The following TRAF2 variants were observed in gnomAD, a reference collection of about 807,000 sequenced individuals.
TRAF2 encodes TNF receptor-associated factor 2.
Under a neutral mutation model 55.6 loss-of-function variants are expected in TRAF2, and 6 were observed. That is an observed-to-expected ratio of 0.11 (90% CI 0.06 to 0.21). TRAF2 has a LOEUF of 0.21. TRAF2 is among the 10% of genes least tolerant of loss of function. TRAF2 has a pLI of 1.00. For synonymous variants in TRAF2, 329 were observed against 276.3 expected (o/e 1.19, Z -1.89); for missense variants, 561 against 684.5 (o/e 0.82, Z 2.01).
chr9:136,898,671 G>A, intron 1 of TRAF2, 42 bp from the exon 2 acceptor site: 1 of 1,604,700 alleles, frequency 6.2e-7, no homozygotes, highest in African/African-American at 1.3e-5. Flanking sequence ...CTCGAGGACT[G>A]TTCTGGAATT....
At position 136,898,099 on chromosome 9, in the gene TRAF2, C is replaced by G. The variant is rs570323297; in HGVS notation, c.-28-614C>G. Reference sequence around the variant, plus strand: ...GCCAGCTCCAGGTGTGCTACATTCCCGCTCTCGGGGCTGGAGGGGAACCCG... The same window carrying G: ...GCCAGCTCCAGGTGTGCTACATTCCGGCTCTCGGGGCTGGAGGGGAACCCG... On this transcript the variant is annotated intron_variant, in intron 1 of 10. Transcript: ENST00000247668. Among the ~76,000 whole-genome samples the G allele has an allele frequency of 2.6e-5, 4 of 151,860 alleles. No individual in the cohort carries two copies. In the South Asian group the frequency reaches 8.3e-4, roughly 32 times the overall value.
At chr9:136,924,871 T>A (rs1850484906) in intron 10 of TRAF2, among the ~76,000 whole-genome samples, 2 of 152,078 alleles carry the variant, frequency 1.3e-5, no homozygotes, top group South Asian at 4.1e-4. Context: ...CCTGAGTAGC[T>A]GGGACTACAG....
upstream of TRAF2, among the ~76,000 whole-genome samples, chr9:136,883,885 A>G (rs1364725693): frequency 6.7e-6 from 1 of 148,666 alleles, no homozygotes; most frequent in African/African-American, 2.5e-5. Context: ...GTAGTGGCGC[A>G]ATCTCGGCTC....
intron 7 of TRAF2, among the ~76,000 whole-genome samples, chr9:136,919,058 T>TTATTTATTTATTTATG (rs1850317735): frequency 1.3e-5 from 2 of 148,904 alleles, no homozygotes; most frequent in African/African-American, 4.9e-5. Flanking sequence ...ATTTATTTAT[T>TTATTTATTTATTTATG]TATTTATTTA....
chr9:136,889,968 G>A (rs1453573067), intron 1 of TRAF2, among the ~76,000 whole-genome samples: 38 of 136,844 alleles, frequency 2.8e-4, no homozygotes, highest in African/African-American at 1.1e-3. Flanking sequence ...CCGCACGCTC[G>A]TTCAGCCGGT....
At chr9:136,909,115 C>T (rs1216611366) in intron 5 of TRAF2, among the ~76,000 whole-genome samples, 2 of 151,156 alleles carry the variant, frequency 1.3e-5, no homozygotes, top group South Asian at 2.1e-4. Context: ...TTAGAAAAGT[C>T]TAAATGCATC....
chr9:136,896,612 A>G (rs1156986081), intron 1 of TRAF2, among the ~76,000 whole-genome samples: 1 of 151,560 alleles, frequency 6.6e-6, no homozygotes, highest in Non-Finnish European at 1.5e-5. Flanking sequence ...CAAACCGCTT[A>G]TAAGGTTGGG....
chr9:136,912,046 G>T (rs1471460494), intron 6 of TRAF2, among the ~76,000 whole-genome samples: 5 of 151,014 alleles, frequency 3.3e-5, no homozygotes, highest in Non-Finnish European at 7.4e-5. Context: ...GTACAGATGG[G>T]GTTTCACCGT....
chr9:136,924,156 C>T (rs751125250), intron 10 of TRAF2, among the ~76,000 whole-genome samples, 156 bp downstream of exon 10: 18 of 152,140 alleles, frequency 1.2e-4, no homozygotes, highest in African/African-American at 1.9e-4. Context: ...CTGTGTCACG[C>T]GGTGGAGAGC....
intron 6 of TRAF2, among the ~76,000 whole-genome samples, chr9:136,913,606 G>A (rs1278548625): frequency 1.3e-5 from 2 of 152,070 alleles, no homozygotes; most frequent in African/African-American, 4.8e-5. Flanking sequence ...TACATACTAT[G>A]TTCTGAGGTG....
intron 6 of TRAF2, among the ~76,000 whole-genome samples, chr9:136,913,295 A>ATTTTTTTTTTTTTTT (rs369765173): frequency 2.3e-5 from 2 of 87,068 alleles, no homozygotes; most frequent in African/African-American, 5.0e-5. Context: ...TTATAAAGGA[A>ATTTTTTTTTTTTTTT]TTTTTTTTTT....
chr9:136,885,873 G>A (rs1458417371), upstream of TRAF2, among the ~76,000 whole-genome samples: 1 of 152,234 alleles, frequency 6.6e-6, no homozygotes, highest in African/African-American at 2.4e-5. Context: ...ACCCCAAAAG[G>A]AGACCCCATA....
intron 6 of TRAF2, among the ~76,000 whole-genome samples, chr9:136,915,608 A>G (rs996696824): frequency 6.6e-6 from 1 of 151,820 alleles, no homozygotes; most frequent in Non-Finnish European, 1.5e-5. Context: ...ACACTCTGCC[A>G]TCTTCCATCA....
At chr9:136,899,097 A>C (rs1005820083) in intron 2 of TRAF2, among the ~76,000 whole-genome samples, 169 bp downstream of exon 2, 1 of 152,244 alleles carries the variant, frequency 6.6e-6, no homozygotes, top group Non-Finnish European at 1.5e-5. Context: ...TAAAATTAAT[A>C]ATTTTAAAAT....
upstream of TRAF2, among the ~76,000 whole-genome samples, chr9:136,885,311 C>A (rs1209461554): frequency 6.6e-6 from 1 of 152,162 alleles, no homozygotes; most frequent in African/African-American, 2.4e-5. Flanking sequence ...ACGTTTCCTT[C>A]TCTGCAAAGC....
intron 1 of TRAF2, among the ~76,000 whole-genome samples, chr9:136,896,978 A>C (rs186141483): frequency 6.6e-6 from 1 of 151,982 alleles, no homozygotes. Context: ...TTGTCTGCTC[A>C]CTCTGCCCAG....
intron 6 of TRAF2, among the ~76,000 whole-genome samples, chr9:136,912,357 T>A (rs1309807614): frequency 6.6e-6 from 1 of 151,586 alleles, no homozygotes; most frequent in Non-Finnish European, 1.5e-5. Flanking sequence ...AGACAGGGTT[T>A]CACCATCTTG....
chr9:136,897,804 GCT>G (rs1483697748), intron 1 of TRAF2, among the ~76,000 whole-genome samples: 22 of 118,780 alleles, frequency 1.9e-4, no homozygotes, highest in African/African-American at 7.2e-4. Flanking sequence ...GCTACGTTCC[GCT>G]CTCGGGGCTG....
At chr9:136,883,812 G>A (rs553415964), upstream of TRAF2, among the ~76,000 whole-genome samples, 7 of 148,820 alleles carry the variant, frequency 4.7e-5, no homozygotes, top group South Asian at 8.5e-4. Context: ...CCACTGTGCC[G>A]GGCCTTTTGT....
Sources: gnomAD v4.1 joint callset for allele counts (sites outside exome capture counted in the v4.1 genomes callset) on GRCh38, gnomAD v4.1.1 for gene constraint, MANE v1.5 for transcripts, NCBI Gene and HGNC (gene_info 2026-07-23, HGNC 2026-07-21) for gene names.